The following DGKB variants were observed in gnomAD, a reference collection of about 807,000 sequenced individuals.
The protein encoded by DGKB is diacylglycerol kinase beta.
DGKB carries 67 observed loss-of-function variants against 114.3 expected under a neutral mutation model. The ratio of observed to expected loss-of-function variants is 0.59; its 90% CI spans 0.48 to 0.72. The LOEUF is 0.72. Ranked by LOEUF, DGKB falls within the 30% of genes least tolerant of loss-of-function variation. The pLI is 0.00. For missense variants in DGKB, 907 were observed against 975.2 expected (o/e 0.93, Z 0.93); for synonymous variants, 398 against 323.1 (o/e 1.23, Z -2.49).
intron 5 of DGKB, among the ~76,000 whole-genome samples, chr7:14,729,345 A>C (rs1172948386): frequency 4.0e-5 from 6 of 151,698 alleles, no homozygotes; most frequent in East Asian, 1.9e-4. Flanking sequence ...GATGGTCTCG[A>C]TCTCCTGACC....
At chr7:14,220,228 T>G (rs1370840221) in intron 23 of DGKB, among the ~76,000 whole-genome samples, 1 of 151,620 alleles carries the variant, frequency 6.6e-6, no homozygotes, top group African/African-American at 2.4e-5. Flanking sequence ...AATTAAGTTA[T>G]TATTATCTTA....
At chr7:14,426,872 T>G (rs183924718) in intron 21 of DGKB, among the ~76,000 whole-genome samples, 1 of 148,188 alleles carries the variant, frequency 6.7e-6, no homozygotes, top group African/African-American at 2.5e-5. Context: ...CTGGCCAACA[T>G]GAGGAAACCC....
At chr7:14,178,225 T>A in intron 23 of DGKB, 74 bp from the exon 24 acceptor site, 1 of 1,489,242 alleles carries the variant, frequency 6.7e-7, no homozygotes, top group Non-Finnish European at 9.0e-7. Flanking sequence ...TTTGATATTA[T>A]GGAGATTAAA....
intron 1 of DGKB, among the ~76,000 whole-genome samples, chr7:14,884,157 C>T (rs1854658198): frequency 6.6e-6 from 1 of 151,828 alleles, no homozygotes. Context: ...GCAAAAGCAG[C>T]CCTAAAAATA....
intron 20 of DGKB, among the ~76,000 whole-genome samples, chr7:14,537,355 A>C (rs1302305896): frequency 2.0e-5 from 3 of 152,178 alleles, no homozygotes; most frequent in Admixed American, 1.3e-4. Flanking sequence ...GACCACAAAT[A>C]GCCAGAGCAA....
At chr7:14,312,010 T>C (rs1254374507) in intron 23 of DGKB, among the ~76,000 whole-genome samples, 1 of 83,254 alleles carries the variant, frequency 1.2e-5, no homozygotes, top group Non-Finnish European at 3.2e-5. Context: ...ACCAGCTATG[T>C]TATTTTTTTT....
chr7:14,821,958 G>A (rs183026688), intron 2 of DGKB, among the ~76,000 whole-genome samples: 2 of 152,178 alleles, frequency 1.3e-5, no homozygotes, highest in African/African-American at 2.4e-5. Context: ...TTGAGAGTGA[G>A]GACAAGTCAT....
chr7:14,237,192 A>G (rs1359168410), intron 23 of DGKB, among the ~76,000 whole-genome samples: 3 of 152,024 alleles, frequency 2.0e-5, no homozygotes, highest in Non-Finnish European at 4.4e-5. Flanking sequence ...ATATACACCC[A>G]CAAATGTAAG....
intron 20 of DGKB, among the ~76,000 whole-genome samples, chr7:14,572,235 T>C (rs1250512750): frequency 1.3e-5 from 2 of 150,700 alleles, no homozygotes; most frequent in Non-Finnish European, 3.0e-5. Flanking sequence ...GGGCGGATCA[T>C]GAGGTCAGGA....
chr7:14,774,962 G>T (rs201640668), intron 2 of DGKB, among the ~76,000 whole-genome samples: 3 of 151,962 alleles, frequency 2.0e-5, no homozygotes, highest in Non-Finnish European at 4.4e-5. Context: ...TTTTATGATT[G>T]TGTAATTAAA....
At chr7:14,175,464 A>T (rs1781584765) in intron 25 of DGKB, among the ~76,000 whole-genome samples, 1 of 152,020 alleles carries the variant, frequency 6.6e-6, no homozygotes, top group South Asian at 2.1e-4. Context: ...CTCATTAATA[A>T]ATTTTTCCTG....
chr7:14,720,604 A>G (rs1829011527), intron 5 of DGKB, among the ~76,000 whole-genome samples: 1 of 151,652 alleles, frequency 6.6e-6, no homozygotes, highest in African/African-American at 2.4e-5. Flanking sequence ...CGGCCTCCCA[A>G]AGTGCTGGGA....
At chr7:14,972,781 G>C (rs966697611) in intron 1 of DGKB, among the ~76,000 whole-genome samples, 6 of 151,972 alleles carry the variant, frequency 3.9e-5, no homozygotes, top group Non-Finnish European at 8.8e-5. Context: ...TTTTAACAGA[G>C]AGATTAAAAT....
At chr7:14,328,920 G>A (rs1446377134) in intron 23 of DGKB, among the ~76,000 whole-genome samples, 1 of 151,840 alleles carries the variant, frequency 6.6e-6, no homozygotes. Flanking sequence ...AACCTGAGTT[G>A]ACAAACTCGA....
rs779225374 is a variant in DGKB, at chr7:14,311,983, C to A, written c.2122+26532G>T. Among the ~76,000 whole-genome samples the A allele has an allele frequency of 6.5e-4, 96 of 148,720 alleles. 1 individual carries two copies. Among genetic ancestry groups the A allele is most frequent in the Non-Finnish European group, 3.6e-4 (24 of 67,222 alleles). On this transcript the variant is annotated intron_variant, in intron 23 of 25. Transcript: ENST00000402815. The stretch of plus-strand genomic sequence containing the variant: ...CTGTAAACTTATCCAGACAGTAACA[C>A]CAATTGCTGTTGCTGCACCAGCTAT...
chr7:14,938,367 T>C (rs1785384225), intron 1 of DGKB, among the ~76,000 whole-genome samples: 1 of 152,214 alleles, frequency 6.6e-6, no homozygotes, highest in African/African-American at 2.4e-5. Context: ...GCGTTTAAGA[T>C]GGACTGATAA....
intron 1 of DGKB, among the ~76,000 whole-genome samples, chr7:14,969,899 C>A (rs1787361138): frequency 1.3e-5 from 2 of 152,116 alleles, no homozygotes; most frequent in Admixed American, 1.3e-4. Flanking sequence ...ATAGAAAAGG[C>A]AATGTGTTCT....
chr7:14,335,605 G>A (rs1352798032), intron 23 of DGKB, among the ~76,000 whole-genome samples: 1 of 152,126 alleles, frequency 6.6e-6, no homozygotes, highest in Non-Finnish European at 1.5e-5. Flanking sequence ...TTTGACTGTA[G>A]GTTAAAAACG....
chr7:14,554,782 G>A (rs1291190103), intron 20 of DGKB, among the ~76,000 whole-genome samples: 1 of 151,926 alleles, frequency 6.6e-6, no homozygotes, highest in East Asian at 1.9e-4. Context: ...ATCGTTCATT[G>A]TTAACTAAAA....
Sources: allele counts gnomAD v4.1 joint callset (sites outside exome capture counted in the v4.1 genomes callset), GRCh38; gene constraint gnomAD v4.1.1; transcripts MANE v1.5; gene names NCBI Gene and HGNC (gene_info 2026-07-23, HGNC 2026-07-21).